The following OPRK1 variants were observed in gnomAD, a reference collection of about 807,000 sequenced individuals.
OPRK1 encodes the protein opioid receptor kappa 1.
A neutral mutation model predicts 24.5 loss-of-function variants in OPRK1; 15 were observed. That is an observed-to-expected ratio of 0.61 (90% CI 0.41 to 0.94). The LOEUF (loss-of-function observed/expected upper bound fraction) is 0.94, where lower values mean the gene tolerates loss of function less well. Among genes scored for constraint, OPRK1 ranks in the 40% least tolerant of loss-of-function variants. The pLI is 0.00. For synonymous variants in OPRK1, 205 were observed against 198.0 expected (o/e 1.04, Z -0.30); for missense variants, 479 against 507.3 (o/e 0.94, Z 0.54).
chr8:53,248,624 A>G (rs1322674765), intron 2 of OPRK1, among the ~76,000 whole-genome samples: 1 of 152,194 alleles, frequency 6.6e-6, no homozygotes, highest in African/African-American at 2.4e-5. Flanking sequence ...CAAAGGTTTT[A>G]TTTTTCAATC....
intron 2 of OPRK1, among the ~76,000 whole-genome samples, chr8:53,245,589 C>T (rs945122154): frequency 6.6e-6 from 1 of 152,124 alleles, no homozygotes; most frequent in African/African-American, 2.4e-5. Context: ...AGGAGTCCAG[C>T]TGAGTCTGCA....
chr8:53,241,382 C>A (rs1807113598), intron 2 of OPRK1, among the ~76,000 whole-genome samples: 1 of 151,100 alleles, frequency 6.6e-6, no homozygotes, highest in South Asian at 2.1e-4. Flanking sequence ...GGTTTTTTTT[C>A]TAAAGGGGCA....
At chr8:53,234,435 G>A (rs993330288) in intron 3 of OPRK1, among the ~76,000 whole-genome samples, 1 of 152,086 alleles carries the variant, frequency 6.6e-6, no homozygotes, top group Non-Finnish European at 1.5e-5. Context: ...GTGTGTCCTG[G>A]ACTTGCCAGG....
Position 53,229,227 on chromosome 8 carries a change from T to A in OPRK1, c.*70A>T. The A allele has an allele frequency of 1.3e-6, 2 of 1,502,988 alleles. No homozygotes were observed. Among genetic ancestry groups the A allele is most frequent in the Non-Finnish European group, 9.0e-7 (1 of 1,111,618 alleles). 93.1% of individuals were successfully genotyped at this position (1,502,988 alleles called of 1,614,324 possible). A position where few individuals can be genotyped will look rare whatever the true frequency, so the allele number is the denominator to read the frequency against. On this transcript the variant is annotated 3_prime_UTR_variant, in exon 4 of 4. Transcript: ENST00000265572. ...TTTTCATGTCAGACTGCAGTAGTGA[T>A]CTGAGTTAAACCTAGATCATTGAAC...
chr8:53,248,210 C>T (rs1466442283), intron 2 of OPRK1, among the ~76,000 whole-genome samples: 4 of 152,132 alleles, frequency 2.6e-5, no homozygotes, highest in Admixed American at 1.3e-4. Flanking sequence ...TCAGAAGATA[C>T]GAGGCAGCAT....
chr8:53,245,298 A>G lies in OPRK1; in HGVS notation c.257+5483T>C, dbSNP rs985205542. 4.6e-5 allele frequency among the ~76,000 whole-genome samples: 7 copies of G among 152,328 alleles called. No individual in the cohort carries two copies. The South Asian group carries it at 1.0e-3, about 23-fold the overall frequency. On this transcript the variant is annotated intron_variant, in intron 2 of 3. Coordinates refer to ENST00000265572, the MANE Select transcript of OPRK1 (RefSeq NM_000912.5). ...TGATATGACTGGTGTCCTCATAAGA[A>G]GAAGAGATTAAGACACAGATGTGTA...
At chr8:53,250,383 G>C (rs1210764765) in intron 2 of OPRK1, among the ~76,000 whole-genome samples, 1 of 152,100 alleles carries the variant, frequency 6.6e-6, no homozygotes, top group East Asian at 1.9e-4. Flanking sequence ...TATTTGCAAA[G>C]GGCATAACAA....
intron 2 of OPRK1, among the ~76,000 whole-genome samples, chr8:53,245,478 C>A (rs1017055413): frequency 6.6e-6 from 1 of 152,176 alleles, no homozygotes; most frequent in Non-Finnish European, 1.5e-5. Context: ...GCTTAACCCA[C>A]CCAGTCTGCG....
intron 2 of OPRK1, among the ~76,000 whole-genome samples, chr8:53,243,125 A>G (rs909966168): frequency 6.6e-6 from 1 of 152,230 alleles, no homozygotes; most frequent in African/African-American, 2.4e-5. Flanking sequence ...GATTCTAAGT[A>G]TGTATTACTT....
chr8:53,239,522 G>T (rs1280835847), intron 2 of OPRK1, among the ~76,000 whole-genome samples: 1 of 152,136 alleles, frequency 6.6e-6, no homozygotes, highest in Non-Finnish European at 1.5e-5. Context: ...TGCCTGGGAT[G>T]GGAACAGTAG....
chr8:53,237,815 C>G (rs1172267331), intron 2 of OPRK1, among the ~76,000 whole-genome samples: 1 of 152,138 alleles, frequency 6.6e-6, no homozygotes, highest in East Asian at 1.9e-4. Context: ...AGACTTATGT[C>G]TTTTCCCTCA....
At chr8:53,238,591 T>C (rs1225906936) in intron 2 of OPRK1, 5 of 985,290 alleles carry the variant, frequency 5.1e-6, no homozygotes, top group Non-Finnish European at 6.0e-6. Flanking sequence ...TTCCAGAGAC[T>C]TAGAAATGCT....
chr8:53,238,272 A>G (rs1186334988), intron 2 of OPRK1, among the ~76,000 whole-genome samples: 1 of 152,204 alleles, frequency 6.6e-6, no homozygotes, highest in Non-Finnish European at 1.5e-5. Context: ...CTGCTTTACA[A>G]AAATTCACAA....
At chr8:53,238,483 G>A in intron 2 of OPRK1, 3 of 939,560 alleles carry the variant, frequency 3.2e-6, no homozygotes, top group Non-Finnish European at 3.8e-6. Context: ...TGCATGGAAT[G>A]GGAAGCAAGG....
intron 2 of OPRK1, among the ~76,000 whole-genome samples, chr8:53,241,619 T>A (rs1205922311): frequency 6.6e-6 from 1 of 152,176 alleles, no homozygotes; most frequent in East Asian, 1.9e-4. Context: ...GAAATTAAAT[T>A]CACTGCTTCT....
rs1482012549 is a variant in OPRK1, at chr8:53,225,780, A to G, written c.*3517T>C. The G allele has an allele frequency of 6.5e-6, 1 of 152,694 alleles. No homozygotes were observed. The highest frequency in any genetic ancestry group is 2.4e-5 in the African/African-American group (1 of 41,468). The allele number at this position is 152,694 out of a possible 1,614,324, so 9.5% of individuals were successfully genotyped here. On this transcript the variant is annotated 3_prime_UTR_variant, in exon 4 of 4. Coordinates refer to ENST00000265572, the MANE Select transcript of OPRK1 (RefSeq NM_000912.5). ...TGCAAGGCACACAATCGTATATACA[A>G]TGCATAATTATCATCTTTTAAAGTA...
rs547441696 is a variant in OPRK1 at position 53,234,108 on chromosome 8, C to T, written c.610+651G>A. Among the ~76,000 whole-genome samples, 46 of 145,700 alleles carry T rather than the reference C, an allele frequency of 3.2e-4. 1 individual carries two copies. The highest frequency in any genetic ancestry group is 2.5e-3 in the Admixed American group (35 of 14,148). ...CTACTCGAGAGGCTGAGGTTGAACCCGGGAGGCAGAGGTTGCAGTGAGCCG... is the reference window on the plus strand; with the variant it reads ...CTACTCGAGAGGCTGAGGTTGAACCTGGGAGGCAGAGGTTGCAGTGAGCCG... On this transcript the variant is annotated intron_variant, in intron 3 of 3. Transcript: ENST00000265572.
chr8:53,235,801 G>A (rs1585631595), intron 2 of OPRK1, among the ~76,000 whole-genome samples: 1 of 152,152 alleles, frequency 6.6e-6, no homozygotes, highest in Admixed American at 6.5e-5. Flanking sequence ...TTCTAAGCAC[G>A]TAATATGTCT....
rs760465308 is a variant in OPRK1 at position 53,236,045 on chromosome 8, G to A, written c.258-934C>T. Among the ~76,000 whole-genome samples the A allele has an allele frequency of 3.2e-4, 49 of 152,228 alleles. No individual in the cohort carries two copies. In the Middle Eastern group the frequency reaches 0.014, roughly 42 times the overall value. ...CAAAGGCCAAGAGCTGAAATATGTT[G>A]GGAAAATCCATACGTTGATTACTTT... is the stretch of plus-strand genomic sequence containing the variant. On this transcript the variant is annotated intron_variant, in intron 2 of 3. Coordinates refer to ENST00000265572, the MANE Select transcript of OPRK1 (RefSeq NM_000912.5).
Sources: allele counts gnomAD v4.1 joint callset (sites outside exome capture counted in the v4.1 genomes callset), GRCh38; gene constraint gnomAD v4.1.1; transcripts MANE v1.5; gene names NCBI Gene and HGNC (gene_info 2026-07-23, HGNC 2026-07-21).